SMAD7: variants seen among roughly 807,000 people sequenced by gnomAD.
The protein encoded by SMAD7 is SMAD family member 7, also known as MAD (mothers against decapentaplegic, Drosophila) homolog 7.
Under a neutral mutation model 38.7 loss-of-function variants are expected in SMAD7, and 8 were observed. The observed-to-expected ratio is 0.21, with a 90% CI of 0.12 to 0.37. The LOEUF (loss-of-function observed/expected upper bound fraction) is 0.37. Among genes scored for constraint, SMAD7 ranks in the 10% least tolerant of loss-of-function variants. SMAD7 has a pLI of 1.00. For synonymous variants in SMAD7, 327 were observed against 265.1 expected, an observed-to-expected ratio of 1.23 and a Z score of -2.27; for missense variants, 477 against 577.9, an observed-to-expected ratio of 0.83 and a Z score of 1.79.
At chr18:48,925,311 G>A (rs1476986653) in intron 3 of SMAD7, among the ~76,000 whole-genome samples, 2 of 152,222 alleles carry the variant, frequency 1.3e-5, no homozygotes, top group Admixed American at 1.3e-4. Flanking sequence ...GAAAAGCTGT[G>A]TTGTAAAAAG....
chr18:48,934,121 C>T (rs559455898), intron 3 of SMAD7, among the ~76,000 whole-genome samples: 2 of 152,294 alleles, frequency 1.3e-5, no homozygotes, highest in African/African-American at 4.8e-5. Flanking sequence ...CTTATCTGCA[C>T]CACTGTAGGG....
intron 3 of SMAD7, among the ~76,000 whole-genome samples, chr18:48,923,753 T>C (rs2069892541): frequency 6.6e-6 from 1 of 152,026 alleles, no homozygotes; most frequent in Non-Finnish European, 1.5e-5. Context: ...CCATGTAGCT[T>C]GGAAGTCCAG....
intron 1 of SMAD7, 59 bp downstream of exon 1, chr18:48,949,753 G>C (rs2070239252): frequency 6.6e-7 from 1 of 1,505,918 alleles, no homozygotes; most frequent in South Asian, 1.3e-5. Flanking sequence ...TGCCCTAGGG[G>C]CTTTTCTTCC....
intron 1 of SMAD7, chr18:48,949,354 C>T: frequency 6.1e-6 from 5 of 813,296 alleles, no homozygotes; most frequent in East Asian, 1.2e-4. Flanking sequence ...ATACGGAGAC[C>T]TTCCAGCCTT....
chr18:48,946,748 A>G (rs553371241), intron 2 of SMAD7, among the ~76,000 whole-genome samples: 2 of 152,316 alleles, frequency 1.3e-5, no homozygotes, highest in South Asian at 2.1e-4. Context: ...TAATGAATAA[A>G]TATATCACTC....
chr18:48,944,214 T>C (rs945785423), intron 2 of SMAD7, among the ~76,000 whole-genome samples: 3 of 152,066 alleles, frequency 2.0e-5, no homozygotes, highest in Non-Finnish European at 4.4e-5. Context: ...CTCCACCCAC[T>C]CCTCCCAGAT....
chr18:48,950,210 T>A lies in SMAD7; in HGVS notation c.215A>T (p.His72Leu). 1 of 1,496,868 alleles carries A rather than the reference T, an allele frequency of 6.7e-7. No individual in the cohort carries two copies. The highest frequency in any genetic ancestry group is 1.5e-5 in the African/African-American group (1 of 68,648). The allele number at this position is 1,496,868 out of a possible 1,614,324, so 92.7% of individuals were successfully genotyped here. A position where few individuals can be genotyped will look rare whatever the true frequency, so the allele number is the denominator to read the frequency against. The change falls in exon 1 of 4, where the codon CAC becomes CTC. Residue 72 changes from histidine to leucine, a missense_variant. Physicochemically the swap from His to Leu is moderately conservative, Grantham distance 99 (BLOSUM62 -3). Around this residue, in one of 2 missense-constraint regions of SMAD7, gnomAD observed 376 missense variants for 379.4 expected, o/e 0.99. Coordinates refer to ENST00000262158, the MANE Select transcript of SMAD7 (RefSeq NM_005904.4). Reference protein sequence around the residue: ...LGKAVRGAKGHHHPHPPAAGA... With the variant: ...LGKAVRGAKGLHHPHPPAAGA... ...CGCGGCTGGCGGGTGGGGATGGTGG[T>A]GACCTTTGGCACCTCGCACCGCCTT...
chr18:48,926,796 C>T (rs1599221691), intron 3 of SMAD7, among the ~76,000 whole-genome samples: 1 of 152,344 alleles, frequency 6.6e-6, no homozygotes, highest in East Asian at 1.9e-4. Flanking sequence ...ACGGACATCT[C>T]AAAGGTTAAC....
In SMAD7 at chr18:48,921,309, T is replaced by C. The variant is rs1599217117; in HGVS notation, c.*63A>G. On this transcript the variant is annotated 3_prime_UTR_variant, in exon 4 of 4. Coordinates refer to ENST00000262158, the MANE Select transcript of SMAD7 (RefSeq NM_005904.4). The surrounding 1 kb of genome is among the most constrained non-coding windows in gnomAD (Gnocchi z 6.4). ...AAAGCAAGCACTCAGGAGGAAAATA[T>C]TAGCAGCAAAGTAGTTTGAAGTGTG... 3 of 1,421,028 alleles carry C rather than the reference T, an allele frequency of 2.1e-6. No homozygotes were observed. The East Asian group carries it at 7.1e-5, about 33-fold the overall frequency. The allele number at this position is 1,421,028 out of a possible 1,614,324, so 88.0% of individuals were successfully genotyped here.
chr18:48,922,287 A>C (rs2069871698), intron 3 of SMAD7, among the ~76,000 whole-genome samples: 1 of 152,144 alleles, frequency 6.6e-6, no homozygotes, highest in Admixed American at 6.5e-5. Context: ...AACGTCCTGG[A>C]GTTACAGATC....
At chr18:48,946,039 G>T (rs749400962) in intron 2 of SMAD7, among the ~76,000 whole-genome samples, 11 of 152,182 alleles carry the variant, frequency 7.2e-5, no homozygotes, top group Admixed American at 2.6e-4. Context: ...GAGTGGAGTG[G>T]CTTAAATTAT....
intron 3 of SMAD7, among the ~76,000 whole-genome samples, chr18:48,931,922 G>C (rs970786187): frequency 5.3e-5 from 8 of 152,126 alleles, no homozygotes; most frequent in South Asian, 4.1e-4. Flanking sequence ...GGGGGAAGGT[G>C]GGGGGGCTTC....
intron 3 of SMAD7, among the ~76,000 whole-genome samples, 154 bp downstream of exon 3, chr18:48,942,327 C>T (rs1237457146): frequency 6.6e-6 from 1 of 152,136 alleles, no homozygotes; most frequent in Non-Finnish European, 1.5e-5. Context: ...AAGGGCACCA[C>T]AATGTCACCA....
rs1219107123 is a variant in SMAD7 at position 48,950,961 on chromosome 18, G to C, written c.-537C>G. 1.3e-5 allele frequency among the ~76,000 whole-genome samples: 2 copies of C among 150,044 alleles called. No individual in the cohort carries two copies. The highest frequency in any genetic ancestry group is 3.0e-5 in the Non-Finnish European group (2 of 67,698). ...TTAATTTGGGGGTGGGGAGAAGCAG[G>C]CAATTAAAAAAAAAAAAGCAAGCGA... On this transcript the variant is annotated 5_prime_UTR_variant, in exon 1 of 4. Coordinates refer to ENST00000262158, the MANE Select transcript of SMAD7 (RefSeq NM_005904.4).
At chr18:48,947,364 G>C (rs2337108) in intron 2 of SMAD7, among the ~76,000 whole-genome samples, 21,950 of 152,178 alleles carry the variant, frequency 0.14, 2,662 homozygotes, top group African/African-American at 0.33. Context: ...TTTAATTAGT[G>C]GGGGGAAAGG....
In SMAD7 at chr18:48,940,620, T is replaced by TA. The variant is rs2070126978; in HGVS notation, c.742+1860_742+1861insT. Among the ~76,000 whole-genome samples the TA allele has an allele frequency of 6.6e-5, 10 of 152,050 alleles. No individual in the cohort carries two copies. In the South Asian group the frequency reaches 2.1e-3, roughly 32 times the overall value. On this transcript the variant is annotated intron_variant, in intron 3 of 3. Transcript: ENST00000262158. ...ACAAAAAATTAGCTGGGCACAGTGG[T>TA]GGATGCCTGTAATCCCAGCTACTTG...
chr18:48,934,681 A>C (rs2070043308), intron 3 of SMAD7, among the ~76,000 whole-genome samples: 1 of 152,124 alleles, frequency 6.6e-6, no homozygotes, highest in Non-Finnish European at 1.5e-5. Context: ...TTCTGGTAAA[A>C]TATTTTTTTA....
intron 3 of SMAD7, among the ~76,000 whole-genome samples, chr18:48,927,565 G>A (rs1198220504): frequency 1.3e-5 from 2 of 152,084 alleles, no homozygotes; most frequent in Non-Finnish European, 1.5e-5. Flanking sequence ...GCAGCCTCCC[G>A]GTAAGTTCAG....
At position 48,921,869 on chromosome 18, in the gene SMAD7, AC is replaced by A; in HGVS notation, c.783del (p.Trp261CysfsTer63). The part of the protein sequence containing the change: ...LLLEPGDRSH[W>X]CVVAYWEEKT... ...TTCTCCTCCCAGTATGCCACCACGC[AC>A]CAGTGTGACCGATCCCCAGGCTCCA... is the stretch of plus-strand genomic sequence containing the variant. On this transcript the variant is annotated frameshift_variant, in exon 4 of 4. Transcript: ENST00000262158. LOFTEE classifies it high-confidence loss of function. The surrounding 1 kb of genome is among the most constrained non-coding windows in gnomAD (Gnocchi z 6.4). The A allele has an allele frequency of 6.2e-7, 1 of 1,611,408 alleles. No individual in the cohort carries two copies. Among genetic ancestry groups the A allele is most frequent in the East Asian group, 2.2e-5 (1 of 44,866 alleles).
Sources: allele counts gnomAD v4.1 joint callset (sites outside exome capture counted in the v4.1 genomes callset), GRCh38; gene constraint gnomAD v4.1.1; regional missense constraint gnomAD v4.1.1; non-coding constraint Gnocchi (gnomAD v3.1); transcripts MANE v1.5; gene names NCBI Gene and HGNC (gene_info 2026-07-23, HGNC 2026-07-21).